AMD1: variants seen among roughly 807,000 people sequenced by gnomAD.
AMD1 encodes S-adenosylmethionine decarboxylase proenzyme.
AMD1 carries 11 observed loss-of-function variants against 40.2 expected under a neutral mutation model. The ratio of observed to expected loss-of-function variants is 0.27; its 90% confidence interval spans 0.17 to 0.45. The LOEUF is 0.45. Among genes scored for constraint, AMD1 ranks in the 20% least tolerant of loss-of-function variants. The pLI is 1.00. For missense variants in AMD1, 257 were observed against 410.2 expected (o/e 0.63, Z 3.23); for synonymous variants, 121 against 130.8 (o/e 0.93, Z 0.51).
intron 1 of AMD1, among the ~76,000 whole-genome samples, chr6:110,885,905 A>T (rs1336686073): frequency 6.6e-6 from 1 of 152,216 alleles, no homozygotes; most frequent in Non-Finnish European, 1.5e-5. Context: ...TTTTAATACA[A>T]ACGAATAAAA....
the AMD1 span, among the ~76,000 whole-genome samples, chr6:110,819,193 A>G: frequency 1.3e-5 from 2 of 152,122 alleles, no homozygotes; most frequent in East Asian, 3.9e-4. Context: ...CCCCGTCTCT[A>G]CTACAAATAC....
the AMD1 span, among the ~76,000 whole-genome samples, chr6:110,862,333 T>G: frequency 1.3e-5 from 2 of 150,730 alleles, no homozygotes; most frequent in African/African-American, 2.4e-5. Context: ...TTGTTCTGTT[T>G]TTTTTTTTTT....
chr6:110,825,208 A>G, the AMD1 span, among the ~76,000 whole-genome samples: 9 of 152,342 alleles, frequency 5.9e-5, no homozygotes, highest in South Asian at 1.9e-3. Context: ...AATAAAATAC[A>G]ATTATCACAA....
chr6:110,869,458 T>C, the AMD1 span, among the ~76,000 whole-genome samples: 81 of 151,632 alleles, frequency 5.3e-4, 2 homozygotes, highest in East Asian at 0.012. Flanking sequence ...ATTTCTTCTG[T>C]ATTTTGCAGT....
the AMD1 span, chr6:110,815,205 C>A: frequency 6.9e-7 from 1 of 1,449,734 alleles, no homozygotes; most frequent in Non-Finnish European, 9.1e-7. Context: ...CCTCCTCCCC[C>A]CGCGACCGCC....
At chr6:110,875,989 C>T (rs1036716629) in intron 1 of AMD1, among the ~76,000 whole-genome samples, 2 of 152,118 alleles carry the variant, frequency 1.3e-5, no homozygotes, top group East Asian at 1.9e-4. Flanking sequence ...GGTTGTGTAA[C>T]CTGCTACGGA....
chr6:110,868,979 G>T, the AMD1 span, among the ~76,000 whole-genome samples: 1 of 151,460 alleles, frequency 6.6e-6, no homozygotes, highest in South Asian at 2.1e-4. Flanking sequence ...AGAATCGCTT[G>T]AACCCGGGAG....
chr6:110,826,535 C>G, the AMD1 span, among the ~76,000 whole-genome samples: 27,265 of 151,938 alleles, frequency 0.18, 3,372 homozygotes, highest in East Asian at 0.67. Context: ...CTGAAGCCCA[C>G]AGGGGAGAAT....
chr6:110,877,739 C>G (rs541061992), intron 1 of AMD1, among the ~76,000 whole-genome samples: 1 of 152,344 alleles, frequency 6.6e-6, no homozygotes, highest in South Asian at 2.1e-4. Flanking sequence ...AAGACAGGAT[C>G]CCTCTATAGC....
intron 1 of AMD1, among the ~76,000 whole-genome samples, chr6:110,880,489 G>A (rs182178760): frequency 5.3e-5 from 8 of 152,148 alleles, no homozygotes; most frequent in Non-Finnish European, 1.5e-5. Flanking sequence ...AGTTTTATTC[G>A]CTGTTAATGT....
chr6:110,863,779 A>G, the AMD1 span: 43,815 of 289,632 alleles, frequency 0.15, 3,724 homozygotes, highest in East Asian at 0.3. Context: ...ATTTCCCATA[A>G]CACTTGACTT....
chr6:110,893,141 G>A, intron 8 of AMD1, 76 bp downstream of exon 8: 2 of 1,308,920 alleles, frequency 1.5e-6, no homozygotes, highest in Non-Finnish European at 2.1e-6. Flanking sequence ...TGAGGCCTAA[G>A]ATGTATTCTG....
At chr6:110,873,536 C>T (rs1308944132), upstream of AMD1, among the ~76,000 whole-genome samples, 2 of 152,194 alleles carry the variant, frequency 1.3e-5, no homozygotes, top group South Asian at 2.1e-4. Context: ...TTCATGTTGA[C>T]ATCATCTTAT....
the AMD1 span, among the ~76,000 whole-genome samples, chr6:110,866,441 G>A: frequency 5.0e-3 from 764 of 152,180 alleles, 7 homozygotes; most frequent in African/African-American, 0.017. Context: ...AGTACACAAC[G>A]AGCACAAGAG....
chr6:110,825,984 G>A, the AMD1 span, among the ~76,000 whole-genome samples: 2 of 151,852 alleles, frequency 1.3e-5, no homozygotes, highest in African/African-American at 4.8e-5. Context: ...CTGGGCAACA[G>A]AGTAAGACCC....
chr6:110,876,090 G>A (rs974794955), intron 1 of AMD1, among the ~76,000 whole-genome samples: 1 of 152,232 alleles, frequency 6.6e-6, no homozygotes, highest in East Asian at 1.9e-4. Context: ...TTGAGCAAAG[G>A]AATCTGGGGC....
the AMD1 span, among the ~76,000 whole-genome samples, chr6:110,824,709 G>A: frequency 6.6e-6 from 1 of 152,148 alleles, no homozygotes; most frequent in African/African-American, 2.4e-5. Flanking sequence ...TTTATAAAGA[G>A]CATAAAGTTT....
the AMD1 span, among the ~76,000 whole-genome samples, chr6:110,840,583 G>A: frequency 7.2e-5 from 11 of 152,120 alleles, no homozygotes; most frequent in East Asian, 7.7e-4. Context: ...GTTCACCCTA[G>A]GCCTGCCACC....
At chr6:110,884,430 G>A (rs530390401) in intron 1 of AMD1, among the ~76,000 whole-genome samples, 3 of 152,306 alleles carry the variant, frequency 2.0e-5, no homozygotes, top group Middle Eastern at 3.4e-3. Context: ...GCTACAAGTT[G>A]TAAGGGTGAA....
Sources: allele counts gnomAD v4.1 joint callset (sites outside exome capture counted in the v4.1 genomes callset), GRCh38; gene constraint gnomAD v4.1.1; transcripts MANE v1.5; gene names NCBI Gene and HGNC (gene_info 2026-07-23, HGNC 2026-07-21).